Variants in BACH2 observed in about 807,000 individuals in gnomAD.
BACH2 encodes transcription regulator protein BACH2.
BACH2 carries 5 observed loss-of-function variants against 61.8 expected under a neutral mutation model. The observed-to-expected ratio is 0.08, with a 90% CI of 0.04 to 0.17. The LOEUF (loss-of-function observed/expected upper bound fraction) is 0.17. Among genes scored for constraint, BACH2 ranks in the 10% least tolerant of loss-of-function variants. The pLI is 1.00. For synonymous variants in BACH2, 446 were observed against 440.1 expected, an observed-to-expected ratio of 1.01 and a Z score of -0.17; for missense variants, 824 against 1,091.1, an observed-to-expected ratio of 0.76 and a Z score of 3.45.
At chr6:89,969,301 C>T (rs1184840220) in intron 6 of BACH2, among the ~76,000 whole-genome samples, 2 of 152,022 alleles carry the variant, frequency 1.3e-5, no homozygotes, top group African/African-American at 4.8e-5. Context: ...GTGATCCGCC[C>T]ATCTCGGCCT....
At chr6:89,987,690 TG>T (rs1448244597) in intron 6 of BACH2, among the ~76,000 whole-genome samples, 4 of 152,064 alleles carry the variant, frequency 2.6e-5, no homozygotes, top group Non-Finnish European at 4.4e-5. Context: ...CTCTCTTCAG[TG>T]GTGGTGAGCT....
chr6:90,034,376 G>C lies in BACH2; in HGVS notation c.-12-25520C>G, dbSNP rs1215887135. Among the ~76,000 whole-genome samples, 4 of 152,124 alleles carry C rather than the reference G, an allele frequency of 2.6e-5. No homozygotes were observed. In the East Asian group the frequency reaches 7.7e-4, roughly 29 times the overall value. ...AAGCTTTATTGTACAGACTGGACTA[G>C]ACTCTGTAGTCTTCACAGAGTGATC... On this transcript the variant is annotated intron_variant, in intron 5 of 8. Transcript: ENST00000257749.
rs554436340 is a variant in BACH2 at position 90,270,286 on chromosome 6, C to G, written c.-353+1563G>C. ...TGGAATGGTAGTTCTACTTTTAGTT[C>G]TTTAAGGAATCTCCACACTGTTTTC... On this transcript the variant is annotated intron_variant, in intron 2 of 8. Transcript: ENST00000257749. 2.0e-5 allele frequency among the ~76,000 whole-genome samples: 3 copies of G among 152,132 alleles called. No individual in the cohort carries two copies. In the South Asian group the frequency reaches 6.2e-4, roughly 32 times the overall value.
At chr6:90,003,163 C>A (rs543202304) in intron 6 of BACH2, among the ~76,000 whole-genome samples, 146 of 152,250 alleles carry the variant, frequency 9.6e-4, no homozygotes, top group Non-Finnish European at 1.5e-3. Flanking sequence ...GTGGCCAGCT[C>A]GTTCCAAAAA....
rs1021905377 is a variant in BACH2, at chr6:90,139,102, T to TA, written c.-161-49994dup. On this transcript the variant is annotated intron_variant, in intron 4 of 8. Coordinates refer to ENST00000257749, the MANE Select transcript of BACH2 (RefSeq NM_021813.4). ...TTGTTTGCTCTCAGGGTGACTTCACTAAAAAAAAAGGCATCAAAGGCCTTT... is the reference window on the plus strand; with the variant it reads ...TTGTTTGCTCTCAGGGTGACTTCACTAAAAAAAAAAGGCATCAAAGGCCTTT... 1.0e-4 allele frequency among the ~76,000 whole-genome samples: 15 copies of TA among 150,534 alleles called. No homozygotes were observed. In the East Asian group the frequency reaches 1.2e-3, roughly 12 times the overall value.
At position 90,050,788 on chromosome 6, in the gene BACH2, G is replaced by A. The variant is rs192893185; in HGVS notation, c.-13+38173C>T. Among the ~76,000 whole-genome samples the A allele has an allele frequency of 2.0e-3, 255 of 126,874 alleles. 3 individuals carry two copies. Among genetic ancestry groups the A allele is most frequent in the African/African-American group, 7.0e-3 (246 of 35,108 alleles). 83.2% of individuals were successfully genotyped at this position (126,874 alleles called of 152,430 possible). A position where few individuals can be genotyped will look rare whatever the true frequency, so the allele number is the denominator to read the frequency against. ...GGTTCTCGGTAATTTTTTTTTTTTTGAGATGGAATCTTGCTCTGTCGCCCA... is the reference window on the plus strand; with the variant it reads ...GGTTCTCGGTAATTTTTTTTTTTTTAAGATGGAATCTTGCTCTGTCGCCCA... On this transcript the variant is annotated intron_variant, in intron 5 of 8. Transcript: ENST00000257749.
chr6:90,088,223 T>C (rs1339497879), intron 5 of BACH2, among the ~76,000 whole-genome samples: 1 of 152,184 alleles, frequency 6.6e-6, no homozygotes, highest in African/African-American at 2.4e-5. Flanking sequence ...TGACTCACTC[T>C]GAAAGGGAAC....
Position 90,031,995 on chromosome 6 carries a change from T to C in BACH2, c.-12-23139A>G, listed in dbSNP as rs189713646. Among the ~76,000 whole-genome samples the C allele has an allele frequency of 4.7e-3, 713 of 152,318 alleles. 9 individuals carry two copies. Among genetic ancestry groups the C allele is most frequent in the African/African-American group, 0.016 (665 of 41,554 alleles). ...AGTAACCAAAACAGCATGGTACTGG[T>C]ACCAAGACAGACATATAGACCAATG... is the stretch of plus-strand genomic sequence containing the variant. On this transcript the variant is annotated intron_variant, in intron 5 of 8. Transcript: ENST00000257749.
At chr6:90,181,864 T>C (rs1768177916) in intron 4 of BACH2, among the ~76,000 whole-genome samples, 1 of 152,134 alleles carries the variant, frequency 6.6e-6, no homozygotes, top group Admixed American at 6.5e-5. Flanking sequence ...ACTAAGCTAA[T>C]GGCAGAAGAA....
chr6:90,150,250 C>T (rs1028798310), intron 4 of BACH2, among the ~76,000 whole-genome samples: 3 of 152,130 alleles, frequency 2.0e-5, no homozygotes, highest in Admixed American at 1.3e-4. Flanking sequence ...TGGACAATTG[C>T]TGTACCCTCC....
At chr6:90,296,207 A>G (rs548152841) in intron 1 of BACH2, among the ~76,000 whole-genome samples, 2 of 151,796 alleles carry the variant, frequency 1.3e-5, no homozygotes, top group East Asian at 2.0e-4. Context: ...GCAAAATACA[A>G]TGCGCCTCGG....
chr6:90,276,382 A>C (rs1255960500), intron 1 of BACH2, among the ~76,000 whole-genome samples: 1 of 152,184 alleles, frequency 6.6e-6, no homozygotes, highest in Non-Finnish European at 1.5e-5. Context: ...AAGATCAACA[A>C]CACCTATAAG....
chr6:89,997,975 T>C (rs1776942713), intron 6 of BACH2, among the ~76,000 whole-genome samples: 1 of 152,174 alleles, frequency 6.6e-6, no homozygotes, highest in Non-Finnish European at 1.5e-5. Flanking sequence ...AAGAAATCAA[T>C]AGAAAATGAT....
chr6:90,268,342 G>C (rs1203071523), intron 2 of BACH2, among the ~76,000 whole-genome samples: 1 of 151,936 alleles, frequency 6.6e-6, no homozygotes, highest in African/African-American at 2.4e-5. Context: ...AATGTGAAGG[G>C]GACAGTCCCC....
In BACH2 at chr6:89,926,689, T is replaced by C. The variant is rs1395469393; in HGVS notation, c.*5719A>G. 1 of 146,600 alleles carries C rather than the reference T, an allele frequency of 6.8e-6. No individual in the cohort carries two copies. The highest frequency in any genetic ancestry group is 1.5e-5 in the Non-Finnish European group (1 of 67,012). 9.1% of individuals were successfully genotyped at this position (146,600 alleles called of 1,614,324 possible). A position where few individuals can be genotyped will look rare whatever the true frequency, so the allele number is the denominator to read the frequency against. ...GTTTCAATTCATTAGTTCATAGCAATGCTTTTTTCCCCCAAAAGGTAAAAA... is the reference window on the plus strand; with the variant it reads ...GTTTCAATTCATTAGTTCATAGCAACGCTTTTTTCCCCCAAAAGGTAAAAA... On this transcript the variant is annotated 3_prime_UTR_variant, in exon 9 of 9. Coordinates refer to ENST00000257749, the MANE Select transcript of BACH2 (RefSeq NM_021813.4).
intron 4 of BACH2, among the ~76,000 whole-genome samples, chr6:90,191,009 G>C (rs1768550386): frequency 6.6e-6 from 1 of 152,234 alleles, no homozygotes; most frequent in Non-Finnish European, 1.5e-5. Context: ...TAGGAAAGGA[G>C]AAAAGGTGAA....
At chr6:89,988,907 G>C (rs1278889280) in intron 6 of BACH2, among the ~76,000 whole-genome samples, 1 of 152,182 alleles carries the variant, frequency 6.6e-6, no homozygotes, top group Non-Finnish European at 1.5e-5. Flanking sequence ...ACCTGACTCT[G>C]GGTTAAAATT....
At chr6:89,963,089 C>T (rs1313710223) in intron 6 of BACH2, among the ~76,000 whole-genome samples, 2 of 152,128 alleles carry the variant, frequency 1.3e-5, no homozygotes, top group Non-Finnish European at 2.9e-5. Flanking sequence ...CTTGAATAGA[C>T]GTTTCTCCAA....
chr6:90,187,587 A>C (rs1055379560), intron 4 of BACH2, among the ~76,000 whole-genome samples: 1 of 152,188 alleles, frequency 6.6e-6, no homozygotes, highest in African/African-American at 2.4e-5. Context: ...TGATGAAGAA[A>C]TCATCTGGAT....
Sources: gnomAD v4.1 joint callset for allele counts (sites outside exome capture counted in the v4.1 genomes callset) on GRCh38, gnomAD v4.1.1 for gene constraint, MANE v1.5 for transcripts, NCBI Gene and HGNC (gene_info 2026-07-23, HGNC 2026-07-21) for gene names.